The following ARHGEF15 variants were observed in gnomAD, a reference collection of about 807,000 sequenced individuals.
The protein encoded by ARHGEF15 is Rho guanine nucleotide exchange factor 15.
Under a neutral mutation model 79.7 loss-of-function variants are expected in ARHGEF15, and 58 were observed. That is an observed-to-expected ratio of 0.73 (90% confidence interval 0.59 to 0.91). The LOEUF (loss-of-function observed/expected upper bound fraction) is 0.91, where lower values mean the gene tolerates loss of function less well. ARHGEF15 is among the 40% of genes least tolerant of loss of function. The pLI is 0.00. For synonymous variants in ARHGEF15, 442 were observed against 456.0 expected, an observed-to-expected ratio of 0.97 and a Z score of 0.39; for missense variants, 1,012 against 1,108.1, an observed-to-expected ratio of 0.91 and a Z score of 1.23.
At position 8,319,571 on chromosome 17, in the gene ARHGEF15, C is replaced by T; in HGVS notation, c.2342C>T (p.Ala781Val). ...GAAGGACGGAGTCTGGAGTCCAGGGCTGCCCCCAAACACCTGCACAAGACC... is the reference window on the plus strand; with the variant it reads ...GAAGGACGGAGTCTGGAGTCCAGGGTTGCCCCCAAACACCTGCACAAGACC... ...KTEGRSLESRAAPKHLHKTPE... is the reference protein window; with the variant it reads ...KTEGRSLESRVAPKHLHKTPE... The change falls in exon 15 of 16, where the codon GCT becomes GTT. Residue 781 changes from alanine to valine, a missense_variant. By Grantham distance (64) the Ala-to-Val change is moderately conservative. Coordinates refer to ENST00000361926, the MANE Select transcript of ARHGEF15 (RefSeq NM_173728.4). 2 of 1,606,728 alleles carry T rather than the reference C, an allele frequency of 1.2e-6. No individual in the cohort carries two copies. The highest frequency in any genetic ancestry group is 1.7e-6 in the Non-Finnish European group (2 of 1,177,914).
Position 8,315,712 on chromosome 17 carries a change from G to T in ARHGEF15, c.1422-43G>T, listed in dbSNP as rs763820400. On this transcript the variant is annotated intron_variant, in intron 7 of 15. Transcript: ENST00000361926. The surrounding 1 kb of genome is among the most constrained non-coding windows in gnomAD (Gnocchi z 4.3). ...TTCTCTCAAGAACCCGGGAGACCTGGCTCTCTGCCCCGCCCCATTGCTTGC... is the reference window on the plus strand; with the variant it reads ...TTCTCTCAAGAACCCGGGAGACCTGTCTCTCTGCCCCGCCCCATTGCTTGC... 2 of 1,599,306 alleles carry T rather than the reference G, an allele frequency of 1.3e-6. No individual in the cohort carries two copies. The highest frequency in any genetic ancestry group is 1.7e-4 in the Middle Eastern group (1 of 5,986).
At position 8,315,317 on chromosome 17, in the gene ARHGEF15, G is replaced by A. The variant is rs765737892; in HGVS notation, c.1260+40G>A. The A allele has an allele frequency of 1.2e-6, 2 of 1,611,468 alleles. No homozygotes were observed. Among genetic ancestry groups the A allele is most frequent in the Non-Finnish European group, 1.7e-6 (2 of 1,178,770 alleles). On this transcript the variant is annotated intron_variant, in intron 6 of 15. Transcript: ENST00000361926. The surrounding 1 kb of genome is among the most constrained non-coding windows in gnomAD (Gnocchi z 4.3). The stretch of plus-strand genomic sequence containing the variant: ...TGGGAGATGGGAGGGGGGTGCTGGG[G>A]TTGGGCTGCATGGGTCAGGCATAGG...
At position 8,319,553 on chromosome 17, in the gene ARHGEF15, G is replaced by T; in HGVS notation, c.2324G>T (p.Arg775Leu). The change falls in exon 15 of 16, where the codon CGG (arginine) becomes CTG (leucine). Residue 775 changes from arginine (R) to leucine (L), a missense_variant. By Grantham distance (102) the Arg-to-Leu change is moderately radical (BLOSUM62 -2). Transcript: ENST00000361926. The stretch of plus-strand genomic sequence containing the variant: ...TCTGCACCTGCCAAGACTGAAGGAC[G>T]GAGTCTGGAGTCCAGGGCTGCCCCC... ...ESSAPAKTEGRSLESRAAPKH... is the reference protein window; with the variant it reads ...ESSAPAKTEGLSLESRAAPKH... 1.2e-6 allele frequency: 2 copies of T among 1,611,138 alleles called. No individual in the cohort carries two copies. The highest frequency in any genetic ancestry group is 1.7e-6 in the Non-Finnish European group (2 of 1,179,102).
chr17:8,312,815 T>A, intron 2 of ARHGEF15, 107 bp from the exon 3 acceptor site: 1 of 1,555,302 alleles, frequency 6.4e-7, no homozygotes, highest in Non-Finnish European at 8.8e-7. Context: ...TATAGATGCC[T>A]GGACCTTGAT....
At position 8,313,260 on chromosome 17, in the gene ARHGEF15, G is replaced by A. The variant is rs768990444; in HGVS notation, c.934+6G>A. ...TGAAGATGGAATCCAAACAGGTGCA[G>A]GGCCTGGGGGAGTGGACCTCTGGGC... On this transcript the variant is annotated splice_donor_region_variant and intron_variant, in intron 3 of 15. Coordinates refer to ENST00000361926, the MANE Select transcript of ARHGEF15 (RefSeq NM_173728.4). The A allele has an allele frequency of 1.2e-6, 2 of 1,602,490 alleles. No homozygotes were observed. The highest frequency in any genetic ancestry group is 1.7e-6 in the Non-Finnish European group (2 of 1,178,786).
At position 8,318,719 on chromosome 17, in the gene ARHGEF15, T is replaced by C. The variant is rs953181411; in HGVS notation, c.1873-31T>C. On this transcript the variant is annotated intron_variant, in intron 11 of 15. Coordinates refer to ENST00000361926, the MANE Select transcript of ARHGEF15 (RefSeq NM_173728.4). This position sits in a 1 kb window ranked among gnomAD's most constrained non-coding sequence, Gnocchi z 5.0. Reference sequence around the variant, plus strand: ...CTGCCCCATGTTGCTGCTGCCACGCTAGAACCTCCTCTGCCTCCGCTTCCT... The same window carrying C: ...CTGCCCCATGTTGCTGCTGCCACGCCAGAACCTCCTCTGCCTCCGCTTCCT... 8.1e-6 allele frequency: 13 copies of C among 1,611,148 alleles called. No individual in the cohort carries two copies. In the African/African-American group the frequency reaches 9.3e-5, roughly 12 times the overall value.
chr17:8,314,655 C>T (rs1279652355), intron 4 of ARHGEF15, among the ~76,000 whole-genome samples: 2 of 145,128 alleles, frequency 1.4e-5, no homozygotes, highest in African/African-American at 2.6e-5. Flanking sequence ...AATCCTGACA[C>T]TTTGTGAGGC....
At position 8,315,739 on chromosome 17, in the gene ARHGEF15, T is replaced by C. The variant is rs1300046011; in HGVS notation, c.1422-16T>C. On this transcript the variant is annotated splice_polypyrimidine_tract_variant and intron_variant, in intron 7 of 15. Transcript: ENST00000361926. The surrounding 1 kb of genome is among the most constrained non-coding windows in gnomAD (Gnocchi z 4.3). ...TCTCTGCCCCGCCCCATTGCTTGCT[T>C]CCCCAATTCCTTCAGGTTTCTAGCA... 1 of 1,608,538 alleles carries C rather than the reference T, an allele frequency of 6.2e-7. No homozygotes were observed. Among genetic ancestry groups the C allele is most frequent in the Non-Finnish European group, 8.5e-7 (1 of 1,177,020 alleles).
Position 8,321,655 on chromosome 17 carries a change from G to C in ARHGEF15, c.*662G>C, listed in dbSNP as rs1905393449. On this transcript the variant is annotated 3_prime_UTR_variant, in exon 16 of 16. Transcript: ENST00000361926. ...TTCTGCTGACTGTGGTGTGTGTGTGGTGATTGTGCTCCTGACCCACAAATG... is the reference window on the plus strand; with the variant it reads ...TTCTGCTGACTGTGGTGTGTGTGTGCTGATTGTGCTCCTGACCCACAAATG... 6.6e-6 allele frequency: 1 copy of C among 152,256 alleles called. No individual in the cohort carries two copies. The highest frequency in any genetic ancestry group is 2.1e-4 in the South Asian group (1 of 4,830). 9.4% of individuals were successfully genotyped at this position (152,256 alleles called of 1,614,324 possible). A position where few individuals can be genotyped will look rare whatever the true frequency, so the allele number is the denominator to read the frequency against.
chr17:8,315,563 A>T lies in ARHGEF15; in HGVS notation c.1410A>T (p.Gly470=), dbSNP rs1457840370. ...TLFSNVQRVQ[G]VSERFLATLL... ...TCTCCAATGTGCAGCGAGTCCAGGGAGTCAGCGAGCGGTCAGTGGCTTTCC... is the reference window on the plus strand; with the variant it reads ...TCTCCAATGTGCAGCGAGTCCAGGGTGTCAGCGAGCGGTCAGTGGCTTTCC... Residue 470 remains glycine, a synonymous_variant, in exon 7 of 16, where the codon GGA becomes GGT. Coordinates refer to ENST00000361926, the MANE Select transcript of ARHGEF15 (RefSeq NM_173728.4). This position sits in a 1 kb window ranked among gnomAD's most constrained non-coding sequence, Gnocchi z 4.3. 1 of 1,608,686 alleles carries T rather than the reference A, an allele frequency of 6.2e-7. No homozygotes were observed. The highest frequency in any genetic ancestry group is 1.1e-5 in the South Asian group (1 of 91,072).
Position 8,312,335 on chromosome 17 carries a change from C to T in ARHGEF15, c.296C>T (p.Thr99Ile). The T allele has an allele frequency of 6.3e-7, 1 of 1,588,370 alleles. No homozygotes were observed. The highest frequency in any genetic ancestry group is 8.6e-7 in the Non-Finnish European group (1 of 1,167,708). Residue 99 changes from threonine to isoleucine, a missense_variant, in exon 2 of 16, where the codon ACA (threonine) becomes ATA (isoleucine). Transcript: ENST00000361926. The part of the protein sequence containing the change: ...TSPDSPSSTP[T>I]PSPVSRRSAS... Reference sequence around the variant, plus strand: ...CCAGACTCACCTTCCAGCACCCCCACACCTAGTCCAGTGTCCCGGCGCTCC... The same window carrying T: ...CCAGACTCACCTTCCAGCACCCCCATACCTAGTCCAGTGTCCCGGCGCTCC...
chr17:8,316,081 G>C lies in ARHGEF15; in HGVS notation c.1637G>C (p.Arg546Pro), dbSNP rs142667369. 1.3e-3 allele frequency: 2,007 copies of C among 1,602,988 alleles called. 2 individuals are homozygous for C. The highest frequency in any genetic ancestry group is 1.6e-3 in the Non-Finnish European group (1,909 of 1,179,262). Residue 546 changes from arginine (R) to proline (P), a missense_variant, in exon 9 of 16, where the codon CGG (arginine) becomes CCG (proline). By Grantham distance (103) the Arg-to-Pro change is moderately radical (BLOSUM62 -2). Around this residue, in one of 3 missense-constraint regions of ARHGEF15, gnomAD observed 818 missense variants for 882.5 expected, o/e 0.93. Transcript: ENST00000361926. ...CTGCAGAGCCTCCCTAAGTGTGAGC[G>C]GCTCCCGCTGCCGTCCTTCCTGCTA... ...RRLQSLPKCE[R>P]LPLPSFLLLP...
chr17:8,314,769 A>C, intron 4 of ARHGEF15, 137 bp from the exon 5 acceptor site: 3 of 481,950 alleles, frequency 6.2e-6, no homozygotes, highest in Non-Finnish European at 7.0e-6. Context: ...AAAAAGCCTG[A>C]GGTTTGATTT....
chr17:8,319,600 G>A lies in ARHGEF15; in HGVS notation c.2371G>A (p.Glu791Lys). ...CCCCAAACACCTGCACAAGACCCCT[G>A]AAGGTGAGAAAGTCTTTCATTTATT... ...AAPKHLHKTP[E>K]GWLKGLPGAF... Residue 791 changes from glutamate (E) to lysine (K), a missense_variant, in exon 15 of 16, where the codon GAA becomes AAA. By Grantham distance (56) the Glu-to-Lys change is moderately conservative (BLOSUM62 1). This residue lies in a region of ARHGEF15 where 132 missense variants were observed against 124.2 expected (regional missense o/e 1.06). Transcript: ENST00000361926. The A allele has an allele frequency of 6.4e-7, 1 of 1,561,894 alleles. No individual in the cohort carries two copies. The highest frequency in any genetic ancestry group is 8.6e-7 in the Non-Finnish European group (1 of 1,162,306).
Position 8,318,404 on chromosome 17 carries a change from A to G in ARHGEF15, c.1722A>G (p.Thr574=). 1 of 1,614,050 alleles carries G rather than the reference A, an allele frequency of 6.2e-7. No individual in the cohort carries two copies. Among genetic ancestry groups the G allele is most frequent in the Non-Finnish European group, 8.5e-7 (1 of 1,179,998 alleles). ...RMLLQNILRQ[T]EEGSSRQENA... is the part of the protein sequence containing the mutation. ...GTCCCCAGAATATCCTGCGCCAGAC[A>G]GAAGAGGGGTCCAGCCGTCAGGAGA... The change falls in exon 10 of 16, where the codon ACA becomes ACG. Residue 574 remains threonine (T), a synonymous_variant. Coordinates refer to ENST00000361926, the MANE Select transcript of ARHGEF15 (RefSeq NM_173728.4). The surrounding 1 kb of genome is among the most constrained non-coding windows in gnomAD (Gnocchi z 5.0).
chr17:8,312,142 G>A lies in ARHGEF15; in HGVS notation c.103G>A (p.Gly35Arg). 1.3e-6 allele frequency: 2 copies of A among 1,518,396 alleles called. No homozygotes were observed. Among genetic ancestry groups the A allele is most frequent in the Non-Finnish European group, 1.8e-6 (2 of 1,129,972 alleles). 94.1% of individuals were successfully genotyped at this position (1,518,396 alleles called of 1,614,324 possible). A position where few individuals can be genotyped will look rare whatever the true frequency, so the allele number is the denominator to read the frequency against. Residue 35 changes from glycine (G) to arginine (R), a missense_variant, in exon 2 of 16, where the codon GGG (glycine) becomes AGG (arginine). Gly to Arg is a moderately radical substitution (Grantham distance 125). Coordinates refer to ENST00000361926, the MANE Select transcript of ARHGEF15 (RefSeq NM_173728.4). ...PSRSRAAQSP[G>R]PPHNGSSPQE... ...TCGTTCCAGGGCTGCCCAGTCCCCA[G>A]GGCCTCCCCACAATGGCTCCTCTCC...
chr17:8,316,084 TC>T lies in ARHGEF15; in HGVS notation c.1643del (p.Pro548ArgfsTer58). 6.2e-7 allele frequency: 1 copy of T among 1,603,072 alleles called. No individual in the cohort carries two copies. The highest frequency in any genetic ancestry group is 8.5e-7 in the Non-Finnish European group (1 of 1,179,266). ...RLQSLPKCER[L>X]PLPSFLLLPF... ...CAGAGCCTCCCTAAGTGTGAGCGGC[TC>T]CCGCTGCCGTCCTTCCTGCTACTGC... On this transcript the variant is annotated frameshift_variant, in exon 9 of 16. Transcript: ENST00000361926. LOFTEE classifies it high-confidence loss of function.
Position 8,312,154 on chromosome 17 carries a change from A to G in ARHGEF15, c.115A>G (p.Asn39Asp). The change falls in exon 2 of 16, where the codon AAT becomes GAT. Residue 39 changes from asparagine to aspartate, a missense_variant. By Grantham distance (23) the Asn-to-Asp change is conservative. Around this residue, in one of 3 missense-constraint regions of ARHGEF15, gnomAD observed 818 missense variants for 882.5 expected, o/e 0.93. Transcript: ENST00000361926. ...RAAQSPGPPH[N>D]GSSPQELPRN... ...TGCCCAGTCCCCAGGGCCTCCCCAC[A>G]ATGGCTCCTCTCCACAAGAACTACC... The G allele has an allele frequency of 3.6e-6, 5 of 1,403,636 alleles. No homozygotes were observed. Among genetic ancestry groups the G allele is most frequent in the Non-Finnish European group, 4.7e-6 (5 of 1,055,858 alleles). 86.9% of individuals were successfully genotyped at this position (1,403,636 alleles called of 1,614,324 possible).
At chr17:8,312,787 G>A (rs1356927961) in intron 2 of ARHGEF15, 135 bp from the exon 3 acceptor site, 3 of 1,573,200 alleles carry the variant, frequency 1.9e-6, no homozygotes, top group Non-Finnish European at 1.7e-6. Flanking sequence ...TTTGAAGGGA[G>A]TCAGGGTGGA....
Sources: gnomAD v4.1 joint callset for allele counts (sites outside exome capture counted in the v4.1 genomes callset) on GRCh38, gnomAD v4.1.1 for gene constraint, gnomAD v4.1.1 regional missense constraint, Gnocchi (gnomAD v3.1) non-coding constraint, MANE v1.5 for transcripts, NCBI Gene and HGNC (gene_info 2026-07-23, HGNC 2026-07-21) for gene names.